The following FOXP2 variants were observed in gnomAD, a reference collection of about 807,000 sequenced individuals.
FOXP2 encodes the protein forkhead box protein P2.
Under a neutral mutation model 115.8 loss-of-function variants are expected in FOXP2, and 12 were observed. The observed-to-expected ratio is 0.10, with a 90% CI of 0.07 to 0.17. The LOEUF is 0.17. FOXP2 is among the 10% of genes least tolerant of loss of function. The pLI, the probability that FOXP2 is intolerant of heterozygous loss-of-function variation, is 1.00. For missense variants in FOXP2, 629 were observed against 843.5 expected (o/e 0.75, Z 3.15); for synonymous variants, 328 against 297.7 (o/e 1.10, Z -1.05).
At chr7:114,426,004 C>T (rs1793829032) in intron 1 of FOXP2, among the ~76,000 whole-genome samples, 1 of 151,536 alleles carries the variant, frequency 6.6e-6, no homozygotes, top group African/African-American at 2.4e-5. Context: ...TTTGTAACAC[C>T]CTTACAAAAT....
chr7:114,384,303 A>G (rs1017935884), intron 2 of FOXP2, among the ~76,000 whole-genome samples: 1 of 152,186 alleles, frequency 6.6e-6, no homozygotes, highest in Admixed American at 6.5e-5. Flanking sequence ...ACCCATCAAG[A>G]TGCATTCCCA....
chr7:114,366,342 T>G (rs1012402142), intron 2 of FOXP2, among the ~76,000 whole-genome samples: 4 of 152,212 alleles, frequency 2.6e-5, no homozygotes, highest in African/African-American at 9.6e-5. Context: ...TTTCCCCTTG[T>G]GTGTTCTAAT....
chr7:114,355,299 A>C (rs1460452033), intron 2 of FOXP2, among the ~76,000 whole-genome samples: 1 of 152,124 alleles, frequency 6.6e-6, no homozygotes, highest in African/African-American at 2.4e-5. Context: ...CTGGAATGAG[A>C]TCAAACTTGG....
At chr7:114,110,984 C>T (rs1791253737) in intron 1 of FOXP2, among the ~76,000 whole-genome samples, 1 of 151,852 alleles carries the variant, frequency 6.6e-6, no homozygotes, top group Non-Finnish European at 1.5e-5. Context: ...TACTTTAGCT[C>T]TTAAAAAAAT....
chr7:114,590,795 T>C (rs888716974), intron 3 of FOXP2, among the ~76,000 whole-genome samples: 9 of 152,210 alleles, frequency 5.9e-5, no homozygotes, highest in African/African-American at 2.2e-4. Context: ...TGTGTTCTCT[T>C]CTTGGCTTGC....
In FOXP2 at chr7:114,664,403, A is replaced by T; in HGVS notation, c.1970A>T (p.Asn657Ile). Residue 657 changes from asparagine (N) to isoleucine (I), a missense_variant, in exon 16 of 17, where the codon AAC (asparagine) becomes ATC (isoleucine). By Grantham distance (149) the Asn-to-Ile change is moderately radical. Coordinates refer to ENST00000350908, the MANE Select transcript of FOXP2 (RefSeq NM_014491.4). ...GSLDHIDSNG[N>I]SSPGCSPQPH... ...CTGGATCACATTGACAGCAATGGAA[A>T]CAGTAGTCCGGGCTGCTCACCTCAG... 1 of 1,613,580 alleles carries T rather than the reference A, an allele frequency of 6.2e-7. No homozygotes were observed. The highest frequency in any genetic ancestry group is 1.1e-5 in the South Asian group (1 of 91,082).
intron 3 of FOXP2, 76 bp from the exon 4 acceptor site, chr7:114,628,464 A>C: frequency 6.4e-7 from 1 of 1,567,902 alleles, no homozygotes; most frequent in Non-Finnish European, 8.7e-7. Flanking sequence ...AAAAGATAAC[A>C]TACTATTTGT....
At chr7:114,385,441 C>G (rs1285163780) in intron 2 of FOXP2, among the ~76,000 whole-genome samples, 1 of 152,186 alleles carries the variant, frequency 6.6e-6, no homozygotes, top group Admixed American at 6.5e-5. Context: ...GTAGAGAATT[C>G]TGGCTGTGCC....
intron 5 of FOXP2, 140 bp from the exon 6 acceptor site, chr7:114,631,388 C>A: frequency 2.1e-6 from 3 of 1,402,252 alleles, no homozygotes; most frequent in Non-Finnish European, 2.9e-6. Flanking sequence ...AACTTACTCA[C>A]ATTCTGCCCC....
chr7:114,483,650 T>C (rs887431538), intron 2 of FOXP2, among the ~76,000 whole-genome samples: 6 of 151,776 alleles, frequency 4.0e-5, no homozygotes, highest in Non-Finnish European at 3.0e-5. Context: ...CATTTAATGA[T>C]ACTGACGTTT....
In FOXP2 at chr7:114,167,705, G is replaced by A. The variant is rs151069959; in HGVS notation, c.-102+4617G>A. 2.8e-3 allele frequency among the ~76,000 whole-genome samples: 433 copies of A among 152,182 alleles called. 2 individuals are homozygous for A. Among genetic ancestry groups the A allele is most frequent in the African/African-American group, 1.0e-2 (414 of 41,504 alleles). On this transcript the variant is annotated intron_variant, in intron 1 of 17. Coordinates refer to the FOXP2 transcript ENST00000634411. The stretch of plus-strand genomic sequence containing the variant: ...TAATCCTAGCACTTTGAGAGGCTGA[G>A]GCAGGCGGATCAGGAGGTCAGGAGA...
At chr7:114,374,850 T>C (rs1792102824) in intron 2 of FOXP2, among the ~76,000 whole-genome samples, 1 of 152,168 alleles carries the variant, frequency 6.6e-6, no homozygotes. Flanking sequence ...ATATCTGATC[T>C]GCCAAATGCA....
chr7:114,102,696 CCACACACACACA>C (rs10624558), intron 1 of FOXP2, among the ~76,000 whole-genome samples: 5 of 136,388 alleles, frequency 3.7e-5, no homozygotes, highest in East Asian at 2.1e-4. Flanking sequence ...ACACCACACA[CCACACACACACA>C]CACACACACA....
intron 1 of FOXP2, among the ~76,000 whole-genome samples, chr7:114,418,321 A>G (rs1005229238): frequency 2.0e-4 from 30 of 151,978 alleles, no homozygotes; most frequent in Admixed American, 1.4e-3. Context: ...GAATGACAAC[A>G]TAAATCAGCC....
intron 3 of FOXP2, among the ~76,000 whole-genome samples, chr7:114,617,001 T>C (rs1181792693): frequency 6.6e-6 from 1 of 152,128 alleles, no homozygotes; most frequent in East Asian, 1.9e-4. Context: ...CAGGAGGATC[T>C]CCTGAGCCCA....
chr7:114,434,996 T>C (rs1228544335), intron 2 of FOXP2, among the ~76,000 whole-genome samples: 1 of 152,142 alleles, frequency 6.6e-6, no homozygotes, highest in Non-Finnish European at 1.5e-5. Flanking sequence ...TGTCCCACCT[T>C]ATTGCAAAAC....
chr7:114,304,329 T>C (rs1796952465), intron 2 of FOXP2, among the ~76,000 whole-genome samples: 1 of 151,740 alleles, frequency 6.6e-6, no homozygotes, highest in African/African-American at 2.4e-5. Context: ...ATAAATAAAA[T>C]GTGTTAATAA....
intron 2 of FOXP2, among the ~76,000 whole-genome samples, chr7:114,330,301 T>C (rs1584641459): frequency 6.6e-6 from 1 of 151,982 alleles, no homozygotes; most frequent in Non-Finnish European, 1.5e-5. Flanking sequence ...GAGGCATATA[T>C]GAAATATGGC....
At chr7:114,545,356 T>G (rs759580620) in intron 3 of FOXP2, among the ~76,000 whole-genome samples, 6 of 152,222 alleles carry the variant, frequency 3.9e-5, no homozygotes, top group Non-Finnish European at 7.3e-5. Flanking sequence ...TAAAAAGGAT[T>G]CTGAGCAGGT....
Sources: gnomAD v4.1 joint callset for allele counts (sites outside exome capture counted in the v4.1 genomes callset) on GRCh38, gnomAD v4.1.1 for gene constraint, MANE v1.5 for transcripts, NCBI Gene and HGNC (gene_info 2026-07-23, HGNC 2026-07-21) for gene names.